Variants in MYH11 observed in about 807,000 individuals in gnomAD.
MYH11 encodes the protein myosin-11.
MYH11 carries 80 observed loss-of-function variants against 246.6 expected under a neutral mutation model. The observed-to-expected ratio is 0.32, with a 90% CI of 0.27 to 0.39. MYH11 has a LOEUF of 0.39. MYH11 is among the 10% of genes least tolerant of loss of function. The probability of loss-of-function intolerance (pLI) is 1.00; values close to 1 mark genes in which losing one functional copy is unlikely to be tolerated. For synonymous variants in MYH11, 1,071 were observed against 1,015.5 expected, an observed-to-expected ratio of 1.05 and a Z score of -1.04; for missense variants, 2,158 against 2,546.8, an observed-to-expected ratio of 0.85 and a Z score of 3.29.
chr16:15,810,274 A>G (rs550308927), intron 3 of MYH11, among the ~76,000 whole-genome samples: 8 of 152,062 alleles, frequency 5.3e-5, no homozygotes, highest in Admixed American at 3.3e-4. Context: ...ACCTCAGATG[A>G]TCTGCCTGCC....
At chr16:15,826,955 C>T (rs1378513244) in intron 2 of MYH11, among the ~76,000 whole-genome samples, 1 of 137,402 alleles carries the variant, frequency 7.3e-6, no homozygotes, top group Non-Finnish European at 1.5e-5. Context: ...CAAGGTGGTG[C>T]CATTGCACTC....
intron 3 of MYH11, among the ~76,000 whole-genome samples, chr16:15,806,145 C>A (rs2151331225): frequency 6.6e-6 from 1 of 151,640 alleles, no homozygotes. Context: ...GGTGTGGTGG[C>A]ACGTGCCTAT....
chr16:15,837,349 A>T (rs1486074635), intron 2 of MYH11, among the ~76,000 whole-genome samples: 1 of 152,168 alleles, frequency 6.6e-6, no homozygotes, highest in African/African-American at 2.4e-5. Flanking sequence ...GGCACTTGGC[A>T]CATGTGATGA....
At chr16:15,706,107 T>TA (rs1454247331) in intron 40 of MYH11, among the ~76,000 whole-genome samples, 1 of 151,808 alleles carries the variant, frequency 6.6e-6, no homozygotes, top group African/African-American at 2.4e-5. Context: ...CCCACCTGGC[T>TA]ATAAAGGATG....
At chr16:15,726,006 GTC>G (rs752697366) in intron 28 of MYH11, 3 of 284,814 alleles carry the variant, frequency 1.1e-5, no homozygotes, top group Non-Finnish European at 1.9e-5. Context: ...CTGGCTGTAT[GTC>G]TCTCTCCTAA....
At chr16:15,764,933 CG>C (rs1274993479) in intron 9 of MYH11, among the ~76,000 whole-genome samples, 1 of 152,230 alleles carries the variant, frequency 6.6e-6, no homozygotes, top group Non-Finnish European at 1.5e-5. Context: ...CAAACAAAAA[CG>C]CTGTGTTCCC....
intron 31 of MYH11, among the ~76,000 whole-genome samples, chr16:15,723,835 A>C (rs879073640): frequency 6.6e-6 from 1 of 152,202 alleles, no homozygotes; most frequent in Non-Finnish European, 1.5e-5. Context: ...CTCAATAGGT[A>C]TTCAGTAAAT....
rs906039401 is a variant in MYH11, at chr16:15,738,477, C to T, written c.3121+88G>A. 8 of 1,297,010 alleles carry T rather than the reference C, an allele frequency of 6.2e-6. No individual in the cohort carries two copies. The African/African-American group carries it at 7.5e-5, about 12-fold the overall frequency. 80.3% of individuals were successfully genotyped at this position (1,297,010 alleles called of 1,614,324 possible). On this transcript the variant is annotated intron_variant, in intron 24 of 40. Transcript: ENST00000300036. ...GCAGTGAGCCATGATCGCACCACTG[C>T]ACTGCAGCCTGGGCAACAGAGCAAG...
intron 3 of MYH11, among the ~76,000 whole-genome samples, chr16:15,818,992 G>A (rs1314959606): frequency 2.0e-5 from 3 of 152,142 alleles, no homozygotes; most frequent in Admixed American, 1.3e-4. Flanking sequence ...CCATCCTCCT[G>A]CCTCAGCCTC....
At chr16:15,799,287 G>C (rs1262201523) in intron 3 of MYH11, among the ~76,000 whole-genome samples, 2 of 152,170 alleles carry the variant, frequency 1.3e-5, no homozygotes, top group Non-Finnish European at 2.9e-5. Context: ...GTTCCAGGCT[G>C]CATTGGTCAG....
rs2242549 is a variant in MYH11, at chr16:15,704,353, G to T, written c.5787-230C>A. Among the ~76,000 whole-genome samples, 81,919 of 151,856 alleles carry T rather than the reference G, an allele frequency of 0.54. 22,806 individuals are homozygous for T. The highest frequency in any genetic ancestry group is 0.66 in the Middle Eastern group (194 of 294). On this transcript the variant is annotated intron_variant, in intron 40 of 40. Transcript: ENST00000300036. ...TGAATTTAATCAGCTGAAATTGGTT[G>T]CGGGGGTGGGTGGAGAAGGTTTTTC...
intron 6 of MYH11, 34 bp from the exon 7 acceptor site, chr16:15,778,877 GC>G (rs1189189309): frequency 6.2e-7 from 1 of 1,608,936 alleles, no homozygotes; most frequent in Non-Finnish European, 8.5e-7. Context: ...AGGCTTTGCT[GC>G]CCAACTTCAG....
At chr16:15,798,557 T>C in intron 4 of MYH11, 103 bp downstream of exon 4, 3 of 1,197,606 alleles carry the variant, frequency 2.5e-6, no homozygotes, top group South Asian at 1.4e-5. Flanking sequence ...AAATCAAAGA[T>C]CTCTGCACTC....
At chr16:15,812,163 G>C (rs1436078585) in intron 3 of MYH11, among the ~76,000 whole-genome samples, 1 of 152,088 alleles carries the variant, frequency 6.6e-6, no homozygotes, top group Non-Finnish European at 1.5e-5. Flanking sequence ...GACCAGCAGG[G>C]CTCCGGCTTT....
intron 10 of MYH11, 55 bp downstream of exon 10, chr16:15,763,741 T>TGGGGGGCCCCC: frequency 4.6e-6 from 3 of 646,832 alleles, no homozygotes; most frequent in Non-Finnish European, 5.8e-6. Flanking sequence ...AAATGTCACC[T>TGGGGGGCCCCC]CCCCCACCCC....
intron 25 of MYH11, among the ~76,000 whole-genome samples, chr16:15,737,006 C>T (rs1368769586): frequency 6.6e-6 from 1 of 151,708 alleles, no homozygotes; most frequent in Non-Finnish European, 1.5e-5. Flanking sequence ...TGCTGTGGGT[C>T]GGCAGAAACA....
chr16:15,718,265 T>C (rs758048730), intron 37 of MYH11, 50 bp downstream of exon 37: 9 of 1,604,404 alleles, frequency 5.6e-6, no homozygotes, highest in Middle Eastern at 1.7e-4. Context: ...AGGATCCTGC[T>C]GCAGGAGAGA....
chr16:15,798,797 G>A (rs1423594132), intron 3 of MYH11, 110 bp from the exon 4 acceptor site: 2 of 1,194,062 alleles, frequency 1.7e-6, no homozygotes, highest in East Asian at 2.3e-5. Context: ...CTCCATGCTG[G>A]CCTCATTGGA....
At chr16:15,825,920 C>T (rs1366612809) in intron 2 of MYH11, among the ~76,000 whole-genome samples, 3 of 152,030 alleles carry the variant, frequency 2.0e-5, no homozygotes, top group East Asian at 3.9e-4. Flanking sequence ...GGCCATAAAG[C>T]GTATCCTCTT....
Sources: allele counts gnomAD v4.1 joint callset (sites outside exome capture counted in the v4.1 genomes callset), GRCh38; gene constraint gnomAD v4.1.1; transcripts MANE v1.5; gene names NCBI Gene and HGNC (gene_info 2026-07-23, HGNC 2026-07-21).